The following RBMS3 variants were observed in gnomAD, a reference collection of about 807,000 sequenced individuals.
RBMS3 encodes RNA-binding motif, single-stranded-interacting protein 3.
Under a neutral mutation model 66.8 loss-of-function variants are expected in RBMS3, and 27 were observed. The observed-to-expected ratio is 0.40, with a 90% CI of 0.30 to 0.56. The LOEUF (loss-of-function observed/expected upper bound fraction) is 0.56, where lower values mean the gene tolerates loss of function less well. RBMS3 is among the 20% of genes least tolerant of loss of function. The probability of loss-of-function intolerance (pLI) is 0.40; values close to 1 mark genes in which losing one functional copy is unlikely to be tolerated. For missense variants in RBMS3, 513 were observed against 549.5 expected (o/e 0.93, Z 0.66); for synonymous variants, 188 against 183.0 (o/e 1.03, Z -0.22).
intron 4 of RBMS3, among the ~76,000 whole-genome samples, chr3:29,632,611 G>A (rs138811944): frequency 9.7e-4 from 148 of 151,824 alleles, no homozygotes; most frequent in African/African-American, 3.5e-3. Flanking sequence ...AGGATTTTGT[G>A]GTGGCTTTGA....
chr3:29,673,918 C>T (rs145019196), intron 4 of RBMS3, among the ~76,000 whole-genome samples: 11,900 of 152,164 alleles, frequency 0.078, 828 homozygotes, highest in African/African-American at 0.18. Flanking sequence ...CCTGCATCAT[C>T]CTGATACCAA....
intron 4 of RBMS3, among the ~76,000 whole-genome samples, chr3:29,647,913 T>G (rs918863914): frequency 7.2e-5 from 11 of 152,168 alleles, no homozygotes; most frequent in Non-Finnish European, 1.5e-4. Context: ...ATGGTTAAGA[T>G]CTACTGGGTC....
chr3:29,318,871 G>T (rs955515307), intron 1 of RBMS3, among the ~76,000 whole-genome samples: 13 of 151,768 alleles, frequency 8.6e-5, no homozygotes, highest in African/African-American at 1.5e-4. Flanking sequence ...TAGGATACTA[G>T]GGGGGCATAA....
intron 4 of RBMS3, among the ~76,000 whole-genome samples, chr3:29,718,093 C>T (rs60049620): frequency 0.36 from 54,677 of 151,522 alleles, 9,966 homozygotes; most frequent in East Asian, 0.44. Context: ...TTAAAGGATC[C>T]CTTTTTCCTG....
chr3:29,639,589 TAGACAGAG>T (rs2049612838), intron 4 of RBMS3, among the ~76,000 whole-genome samples: 2 of 113,824 alleles, frequency 1.8e-5, no homozygotes, highest in South Asian at 3.5e-4. Flanking sequence ...AGATAGAAGA[TAGACAGAG>T]AGAGAGAGAG....
intron 5 of RBMS3, among the ~76,000 whole-genome samples, chr3:29,745,552 G>A (rs1417277509): frequency 6.6e-6 from 1 of 152,106 alleles, no homozygotes; most frequent in African/African-American, 2.4e-5. Flanking sequence ...GGTGTTATGA[G>A]AGGCCAGTAA....
intron 12 of RBMS3, among the ~76,000 whole-genome samples, chr3:29,947,320 T>G (rs1266164194): frequency 6.6e-6 from 1 of 151,626 alleles, no homozygotes; most frequent in Non-Finnish European, 1.5e-5. Flanking sequence ...TATTTTAGTT[T>G]TGTTTTCTTC....
intron 1 of RBMS3, among the ~76,000 whole-genome samples, chr3:29,431,285 C>CTT (rs535750658): frequency 0.22 from 26,822 of 121,818 alleles, 3,091 homozygotes; most frequent in Non-Finnish European, 0.29. Context: ...ATGTTTCTTT[C>CTT]TTTCTTTTTC....
At chr3:29,525,121 C>CT (rs950283172) in intron 3 of RBMS3, among the ~76,000 whole-genome samples, 3 of 152,086 alleles carry the variant, frequency 2.0e-5, no homozygotes, top group Non-Finnish European at 2.9e-5. Context: ...ATACATTTAC[C>CT]TTTTTTTCCT....
At position 29,637,688 on chromosome 3, in the gene RBMS3, G is replaced by C. The variant is rs552208342; in HGVS notation, c.399+50483G>C. Among the ~76,000 whole-genome samples, 4 of 151,950 alleles carry C rather than the reference G, an allele frequency of 2.6e-5. No homozygotes were observed. In the East Asian group the frequency reaches 7.8e-4, roughly 29 times the overall value. On this transcript the variant is annotated intron_variant, in intron 4 of 14. Transcript: ENST00000383767. The stretch of plus-strand genomic sequence containing the variant: ...AATGGACTTTATATTAAAACACTAA[G>C]TTTAGTAATGTATTAACTTTGTAAG...
chr3:29,873,408 G>A (rs2059538002), intron 7 of RBMS3, among the ~76,000 whole-genome samples: 1 of 152,102 alleles, frequency 6.6e-6, no homozygotes, highest in Non-Finnish European at 1.5e-5. Context: ...TTGGTCTATA[G>A]GAATGCTAGT....
At chr3:29,431,885 C>T (rs1364520634) in intron 1 of RBMS3, among the ~76,000 whole-genome samples, 1 of 151,952 alleles carries the variant, frequency 6.6e-6, no homozygotes, top group African/African-American at 2.4e-5. Flanking sequence ...GGTACCACAC[C>T]CAGCTAATTT....
chr3:29,999,791 G>A (rs1384393020), intron 14 of RBMS3, among the ~76,000 whole-genome samples: 5 of 151,994 alleles, frequency 3.3e-5, no homozygotes, highest in Non-Finnish European at 7.4e-5. Flanking sequence ...ATAACATTAG[G>A]AGATATACCT....
At chr3:29,947,852 C>T (rs1308714943) in intron 12 of RBMS3, among the ~76,000 whole-genome samples, 1 of 150,728 alleles carries the variant, frequency 6.6e-6, no homozygotes, top group South Asian at 2.1e-4. Context: ...CCTTGAATGA[C>T]ATCAGCATGA....
chr3:29,528,274 G>A (rs528236617), intron 3 of RBMS3, among the ~76,000 whole-genome samples: 3 of 151,962 alleles, frequency 2.0e-5, no homozygotes, highest in Non-Finnish European at 2.9e-5. Context: ...CACCACACCC[G>A]GCTAATTTTT....
chr3:29,993,887 C>T (rs1047694659), intron 14 of RBMS3, among the ~76,000 whole-genome samples: 4 of 152,132 alleles, frequency 2.6e-5, no homozygotes, highest in African/African-American at 9.7e-5. Context: ...TTGTGCAAGT[C>T]AATTTCTTAT....
chr3:29,858,460 G>T (rs771972496), intron 6 of RBMS3, among the ~76,000 whole-genome samples: 1 of 152,152 alleles, frequency 6.6e-6, no homozygotes, highest in Non-Finnish European at 1.5e-5. Flanking sequence ...AATTTCAAAG[G>T]TGCTTCATCT....
chr3:29,540,185 G>T (rs751971244), intron 3 of RBMS3, among the ~76,000 whole-genome samples: 4 of 152,014 alleles, frequency 2.6e-5, no homozygotes, highest in Non-Finnish European at 5.9e-5. Flanking sequence ...CACATAAAGG[G>T]GATATTTTTA....
intron 14 of RBMS3, among the ~76,000 whole-genome samples, chr3:30,000,730 C>T (rs911141566): frequency 2.6e-5 from 4 of 152,092 alleles, no homozygotes; most frequent in Non-Finnish European, 4.4e-5. Flanking sequence ...GAGTTCATGT[C>T]CTTTGTAGGG....
Sources: gnomAD v4.1 joint callset for allele counts (sites outside exome capture counted in the v4.1 genomes callset) on GRCh38, gnomAD v4.1.1 for gene constraint, MANE v1.5 for transcripts, NCBI Gene and HGNC (gene_info 2026-07-23, HGNC 2026-07-21) for gene names.